The following CLEC17A variants were observed in gnomAD, a reference collection of about 807,000 sequenced individuals.
The protein encoded by CLEC17A is C-type lectin domain containing 17A, also known as C-type lectin domain family 17, member A.
In CLEC17A, 37 loss-of-function variants were observed where a neutral mutation model predicts 61.3. The observed-to-expected ratio is 0.60, with a 90% CI of 0.46 to 0.79. CLEC17A has a LOEUF of 0.79. Ranked by LOEUF, CLEC17A falls within the 30% of genes least tolerant of loss-of-function variation. The probability of loss-of-function intolerance (pLI) is 0.00; values close to 1 mark genes in which losing one functional copy is unlikely to be tolerated. For missense variants in CLEC17A, 418 were observed against 464.7 expected (o/e 0.90, Z 0.92); for synonymous variants, 168 against 164.9 (o/e 1.02, Z -0.14).
At position 14,592,424 on chromosome 19, in the gene CLEC17A, C is replaced by T. The variant is rs569736500; in HGVS notation, c.277+66C>T. On this transcript the variant is annotated intron_variant, in intron 4 of 13. Transcript: ENST00000417570. ...GAACAGGGTTTCCAGGAGGCATTGG[C>T]TGGGCATTGTAGACACACAGTCAGT... 790 of 1,598,920 alleles carry T rather than the reference C, an allele frequency of 4.9e-4. 10 individuals are homozygous for T. The South Asian group carries it at 7.0e-3, about 14-fold the overall frequency.
Position 14,610,413 on chromosome 19 carries a change from A to G in CLEC17A, c.*217A>G. 1.7e-6 allele frequency: 1 copy of G among 589,518 alleles called. No individual in the cohort carries two copies. The highest frequency in any genetic ancestry group is 3.0e-5 in the East Asian group (1 of 33,314). 36.5% of individuals were successfully genotyped at this position (589,518 alleles called of 1,614,324 possible). ...CCCTAGTAGATGGTGAGCTGGGAGG[A>G]TGCTCAGAGCTTGGTGGTGGGAGGT... is the stretch of plus-strand genomic sequence containing the variant. On this transcript the variant is annotated 3_prime_UTR_variant, in exon 14 of 14. Transcript: ENST00000417570.
intron 4 of CLEC17A, among the ~76,000 whole-genome samples, chr19:14,593,282 C>A (rs2074463545): frequency 1.4e-5 from 2 of 141,732 alleles, no homozygotes; most frequent in Non-Finnish European, 3.0e-5. Flanking sequence ...CACTGGAGGC[C>A]AGGAGTTCGA....
At chr19:14,599,982 A>C (rs140262248) in intron 11 of CLEC17A, 49 bp from the exon 12 acceptor site, 10 of 1,603,792 alleles carry the variant, frequency 6.2e-6, no homozygotes, top group Non-Finnish European at 6.8e-6. Flanking sequence ...TACTATGTAC[A>C]TGGCTCAGGT....
At position 14,610,207 on chromosome 19, in the gene CLEC17A, C is replaced by T. The variant is rs6511944; in HGVS notation, c.*11C>T. 952,849 of 1,553,368 alleles carry T rather than the reference C, an allele frequency of 0.61. 293,829 individuals are homozygous for T. The highest frequency in any genetic ancestry group is 0.82 in the East Asian group (33,953 of 41,270). On this transcript the variant is annotated 3_prime_UTR_variant, in exon 14 of 14. Transcript: ENST00000417570. ...AAATGTTCCTGTTGAAGCCCAGGGC[C>T]GAGGCTGGGGGTCCATATCTGAGTG... is the stretch of plus-strand genomic sequence containing the variant.
Position 14,583,442 on chromosome 19 carries a change from G to A in CLEC17A, c.121+8G>A. 1 of 1,612,342 alleles carries A rather than the reference G, an allele frequency of 6.2e-7. No individual in the cohort carries two copies. The highest frequency in any genetic ancestry group is 2.2e-5 in the East Asian group (1 of 44,840). ...ACCTTCCTCCCAAGCCAGGTAAGAG[G>A]ACTTTTTGGAGTGTGACCTGGGGGA... On this transcript the variant is annotated splice_region_variant and intron_variant, in intron 2 of 13. Transcript: ENST00000417570.
chr19:14,609,996 G>A (rs779253046), intron 13 of CLEC17A, 68 bp from the exon 14 acceptor site: 6 of 1,162,300 alleles, frequency 5.2e-6, no homozygotes, highest in East Asian at 2.4e-5. Flanking sequence ...CATCATTACA[G>A]TATTATACAG....
chr19:14,582,937 C>T, upstream of CLEC17A: 2 of 541,566 alleles, frequency 3.7e-6, no homozygotes, highest in East Asian at 3.2e-5. Context: ...GTGCGTGAAT[C>T]CAAACTGGGG....
At chr19:14,581,533 T>C (rs991044971), upstream of CLEC17A, among the ~76,000 whole-genome samples, 2 of 152,060 alleles carry the variant, frequency 1.3e-5, no homozygotes, top group African/African-American at 4.8e-5. Context: ...GATTTCATCA[T>C]GTTGGCCAGG....
At chr19:14,602,206 T>G (rs945829578) in intron 12 of CLEC17A, among the ~76,000 whole-genome samples, 5 of 152,222 alleles carry the variant, frequency 3.3e-5, no homozygotes, top group Non-Finnish European at 7.3e-5. Flanking sequence ...AAATGTTTTT[T>G]TTTTCCCAGA....
intron 3 of CLEC17A, chr19:14,588,295 CG>C: frequency 7.0e-6 from 1 of 143,384 alleles, no homozygotes; most frequent in Non-Finnish European, 1.5e-5. Flanking sequence ...TGAGACCAGC[CG>C]GGGCAACATA....
upstream of CLEC17A, among the ~76,000 whole-genome samples, chr19:14,581,722 G>T (rs188717286): frequency 9.7e-4 from 147 of 152,086 alleles, no homozygotes; most frequent in African/African-American, 3.5e-3. Context: ...ATGTGATCTC[G>T]GCTCACTGCA....
At chr19:14,582,360 C>A (rs1312215431), upstream of CLEC17A, among the ~76,000 whole-genome samples, 1 of 151,810 alleles carries the variant, frequency 6.6e-6, no homozygotes, top group Non-Finnish European at 1.5e-5. Flanking sequence ...CCACAGGCAC[C>A]CGCCACCACA....
At chr19:14,592,255 G>C in intron 3 of CLEC17A, 26 bp from the exon 4 acceptor site, 2 of 1,563,810 alleles carry the variant, frequency 1.3e-6, no homozygotes, top group Non-Finnish European at 8.7e-7. Context: ...GAATGGCTGG[G>C]CTCTGACTTG....
intron 13 of CLEC17A, among the ~76,000 whole-genome samples, chr19:14,608,291 T>C (rs1468148845): frequency 6.6e-6 from 1 of 152,146 alleles, no homozygotes; most frequent in Non-Finnish European, 1.5e-5. Context: ...AACTAAAGGA[T>C]TTGTCATTGG....
Position 14,594,656 on chromosome 19 carries a change from T to G in CLEC17A, c.335T>G (p.Leu112Arg). The G allele has an allele frequency of 6.2e-7, 1 of 1,613,862 alleles. No homozygotes were observed. Among genetic ancestry groups the G allele is most frequent in the Non-Finnish European group, 8.5e-7 (1 of 1,179,846 alleles). The change falls in exon 6 of 14, where the codon CTT becomes CGT. Residue 112 changes from leucine (L) to arginine (R), a missense_variant. Transcript: ENST00000417570. ...GCAAAGGAAACAGAGAAACCCCCAC[T>G]TCCTTGCAAGCCCCGGAACATGACA... ...RAAKETEKPP[L>R]PCKPRNMTGL...
At chr19:14,582,958 T>A, upstream of CLEC17A, 1 of 558,976 alleles carries the variant, frequency 1.8e-6, no homozygotes, top group South Asian at 2.1e-5. Context: ...AGAAAGGCTC[T>A]GTGTGTATGT....
chr19:14,583,834 G>A (rs10406838), intron 2 of CLEC17A, among the ~76,000 whole-genome samples: 10,277 of 152,046 alleles, frequency 0.068, 1,150 homozygotes, highest in African/African-American at 0.23. Context: ...TGGGCTCCCA[G>A]TCTCCTCACC....
intron 3 of CLEC17A, among the ~76,000 whole-genome samples, chr19:14,591,636 C>T (rs1261450914): frequency 2.0e-5 from 3 of 151,120 alleles, no homozygotes; most frequent in Non-Finnish European, 4.4e-5. Flanking sequence ...TCACTGCAAC[C>T]TCCACCTCCT....
At position 14,610,645 on chromosome 19, in the gene CLEC17A, G is replaced by A. The variant is rs1706492937; in HGVS notation, c.*449G>A. The A allele has an allele frequency of 5.9e-6, 1 of 170,776 alleles. No homozygotes were observed. Among genetic ancestry groups the A allele is most frequent in the African/African-American group, 2.4e-5 (1 of 41,900 alleles). The allele number at this position is 170,776 out of a possible 1,614,324, so 10.6% of individuals were successfully genotyped here. On this transcript the variant is annotated 3_prime_UTR_variant, in exon 14 of 14. Coordinates refer to ENST00000417570, the MANE Select transcript of CLEC17A (RefSeq NM_001204118.2). ...GGTGATCCTCCCATCTCAGCCTCCT[G>A]AGTAGCTGGGACTACACATGCGCAC...
Sources: gnomAD v4.1 joint callset for allele counts (sites outside exome capture counted in the v4.1 genomes callset) on GRCh38, gnomAD v4.1.1 for gene constraint, MANE v1.5 for transcripts, NCBI Gene and HGNC (gene_info 2026-07-23, HGNC 2026-07-21) for gene names.